IL18RAP: variants seen among roughly 807,000 people sequenced by gnomAD.
IL18RAP encodes interleukin 18 receptor accessory protein.
IL18RAP carries 37 observed loss-of-function variants against 58.1 expected under a neutral mutation model. That is an observed-to-expected ratio of 0.64 (90% confidence interval 0.49 to 0.84). The LOEUF (loss-of-function observed/expected upper bound fraction) is 0.84. Among genes scored for constraint, IL18RAP ranks in the 40% least tolerant of loss-of-function variants. IL18RAP has a pLI of 0.00. For missense variants in IL18RAP, 667 were observed against 704.8 expected (o/e 0.95, Z 0.61); for synonymous variants, 268 against 257.5 (o/e 1.04, Z -0.39).
intron 1 of IL18RAP, 122 bp downstream of exon 1, chr2:102,423,469 G>A (rs2272128): frequency 0.74 from 660,732 of 896,870 alleles, 248,947 homozygotes; most frequent in African/African-American, 0.89. Flanking sequence ...ACTATTAAAA[G>A]GGGACTGAGA....
chr2:102,424,477 C>T, intron 3 of IL18RAP, 63 bp downstream of exon 3: 1 of 1,442,958 alleles, frequency 6.9e-7, no homozygotes, highest in Non-Finnish European at 9.5e-7. Flanking sequence ...TCTTCATGGG[C>T]TTTTCATGGA....
At chr2:102,451,359 C>T (rs1020973846) in intron 9 of IL18RAP, among the ~76,000 whole-genome samples, 1 of 152,212 alleles carries the variant, frequency 6.6e-6, no homozygotes, top group South Asian at 2.1e-4. Context: ...TTCCACAAAG[C>T]TCACTCAGCA....
intron 3 of IL18RAP, among the ~76,000 whole-genome samples, chr2:102,435,757 T>TATTATACTGCA (rs1302394245): frequency 6.6e-6 from 1 of 152,132 alleles, no homozygotes; most frequent in African/African-American, 2.4e-5. Context: ...TGCAGTATAA[T>TATTATACTGCA]ATTATAATAC....
At chr2:102,441,855 T>C (rs1683124128) in intron 5 of IL18RAP, among the ~76,000 whole-genome samples, 1 of 151,474 alleles carries the variant, frequency 6.6e-6, no homozygotes, top group Admixed American at 6.6e-5. Context: ...GCCATTGCAC[T>C]CCATCCTGGG....
At chr2:102,443,812 A>G (rs1683253819) in intron 6 of IL18RAP, among the ~76,000 whole-genome samples, 1 of 152,216 alleles carries the variant, frequency 6.6e-6, no homozygotes, top group South Asian at 2.1e-4. Context: ...AAAGAGGCTC[A>G]GAGGAGGGCT....
intron 5 of IL18RAP, among the ~76,000 whole-genome samples, chr2:102,441,595 A>G (rs1683106201): frequency 1.3e-5 from 2 of 152,202 alleles, no homozygotes. Context: ...ACCCTAAAAG[A>G]TTATATTGCA....
At chr2:102,450,748 C>T (rs1188564163) in intron 8 of IL18RAP, 100 bp from the exon 9 acceptor site, 2 of 614,412 alleles carry the variant, frequency 3.3e-6, no homozygotes, top group African/African-American at 3.8e-5. Context: ...AATATTATTT[C>T]TTATTCATTT....
At chr2:102,441,912 G>T (rs936072514) in intron 5 of IL18RAP, among the ~76,000 whole-genome samples, 3 of 151,910 alleles carry the variant, frequency 2.0e-5, no homozygotes, top group African/African-American at 7.3e-5. Context: ...ATTATACTGA[G>T]AAATAATGGG....
chr2:102,427,323 A>G (rs1201330792), intron 3 of IL18RAP, among the ~76,000 whole-genome samples: 1 of 152,022 alleles, frequency 6.6e-6, no homozygotes, highest in Non-Finnish European at 1.5e-5. Context: ...TTCTGATGAG[A>G]CTTCATAGAG....
chr2:102,447,036 T>C (rs1225589435), intron 7 of IL18RAP, 34 bp from the exon 8 acceptor site: 5 of 1,608,920 alleles, frequency 3.1e-6, no homozygotes, highest in Non-Finnish European at 3.4e-6. Context: ...TCCCGCTGCC[T>C]CTATGTCTCT....
In IL18RAP at chr2:102,452,258, G is replaced by A. The variant is rs148484630; in HGVS notation, c.*77G>A. On this transcript the variant is annotated 3_prime_UTR_variant, in exon 10 of 10. Coordinates refer to ENST00000687160, the MANE Select transcript of IL18RAP (RefSeq NM_001393487.1). ...GGACAGAACTCACAGCTCTGTGTGT[G>A]TGTGTTCAGGCTGATAGGAAATTCA... 732 of 1,346,932 alleles carry A rather than the reference G, an allele frequency of 5.4e-4. 1 individual carries two copies. The Middle Eastern group carries it at 0.02, about 37-fold the overall frequency. The allele number at this position is 1,346,932 out of a possible 1,614,324, so 83.4% of individuals were successfully genotyped here. A position where few individuals can be genotyped will look rare whatever the true frequency, so the allele number is the denominator to read the frequency against.
At chr2:102,441,191 T>C (rs1683081391) in intron 4 of IL18RAP, 121 bp from the exon 5 acceptor site, 1 of 694,914 alleles carries the variant, frequency 1.4e-6, no homozygotes, top group Non-Finnish European at 2.4e-6. Context: ...AGGTAATTAG[T>C]AAAATGTGAA....
Position 102,451,868 on chromosome 2 carries a change from C to A in IL18RAP, c.1487C>A (p.Ala496Glu). 7.4e-6 allele frequency: 12 copies of A among 1,614,170 alleles called. No homozygotes were observed. The highest frequency in any genetic ancestry group is 1.0e-5 in the Non-Finnish European group (12 of 1,180,004). Reference protein sequence around the residue: ...VNGPSIFELQAAVNLALDDQT... With the variant: ...VNGPSIFELQEAVNLALDDQT... Reference sequence around the variant, plus strand: ...GGACCCAGTATCTTTGAACTACAAGCAGCAGTGAATCTTGCCTTGGATGAT... The same window carrying A: ...GGACCCAGTATCTTTGAACTACAAGAAGCAGTGAATCTTGCCTTGGATGAT... Residue 496 changes from alanine to glutamate, a missense_variant, in exon 10 of 10, where the codon GCA becomes GAA. Ala to Glu is a moderately radical substitution (Grantham distance 107). Coordinates refer to ENST00000687160, the MANE Select transcript of IL18RAP (RefSeq NM_001393487.1).
At chr2:102,450,342 G>A (rs1683686996) in intron 8 of IL18RAP, among the ~76,000 whole-genome samples, 1 of 151,974 alleles carries the variant, frequency 6.6e-6, no homozygotes, top group African/African-American at 2.4e-5. Flanking sequence ...CCTTAAAACA[G>A]CCTGCCCAGG....
At chr2:102,435,761 A>G (rs1405288392) in intron 3 of IL18RAP, among the ~76,000 whole-genome samples, 1 of 152,164 alleles carries the variant, frequency 6.6e-6, no homozygotes, top group Non-Finnish European at 1.5e-5. Flanking sequence ...GTATAATATT[A>G]TAATACCTGC....
intron 3 of IL18RAP, among the ~76,000 whole-genome samples, chr2:102,431,775 C>CT (rs1169621969): frequency 1.7e-5 from 2 of 117,592 alleles, no homozygotes; most frequent in East Asian, 2.0e-4. Flanking sequence ...CTATTTAAAA[C>CT]TTTTTTTTCT....
chr2:102,427,724 T>C (rs1351721115), intron 3 of IL18RAP, among the ~76,000 whole-genome samples: 1 of 152,088 alleles, frequency 6.6e-6, no homozygotes, highest in Admixed American at 6.6e-5. Context: ...TTTCTATTTT[T>C]GTTTTTGTTG....
chr2:102,442,715 T>A (rs1210505060), intron 5 of IL18RAP, among the ~76,000 whole-genome samples: 1 of 151,780 alleles, frequency 6.6e-6, no homozygotes, highest in Non-Finnish European at 1.5e-5. Flanking sequence ...CATAGTGAAT[T>A]GTTCAGAAAA....
intron 4 of IL18RAP, among the ~76,000 whole-genome samples, chr2:102,437,918 C>T (rs1208549056): frequency 1.3e-5 from 2 of 152,156 alleles, no homozygotes; most frequent in Non-Finnish European, 2.9e-5. Flanking sequence ...ATGTTTGTGT[C>T]ATAAACACTT....
Sources: allele counts gnomAD v4.1 joint callset (sites outside exome capture counted in the v4.1 genomes callset), GRCh38; gene constraint gnomAD v4.1.1; transcripts MANE v1.5; gene names NCBI Gene and HGNC (gene_info 2026-07-23, HGNC 2026-07-21).